Variants in BCL2 observed in about 807,000 individuals in gnomAD.
BCL2 encodes apoptosis regulator Bcl-2.
BCL2 carries 1 observed loss-of-function variant against 14.2 expected under a neutral mutation model. That is an observed-to-expected ratio of 0.07 (90% confidence interval 0.02 to 0.33). The LOEUF (loss-of-function observed/expected upper bound fraction) is 0.33, where lower values mean the gene tolerates loss of function less well. Among genes scored for constraint, BCL2 ranks in the 10% least tolerant of loss-of-function variants. The pLI is 0.99. For missense variants in BCL2, 247 were observed against 305.9 expected, an observed-to-expected ratio of 0.81 and a Z score of 1.44; for synonymous variants, 151 against 137.2, an observed-to-expected ratio of 1.10 and a Z score of -0.70.
At chr18:63,199,925 C>G (rs372427079) in intron 2 of BCL2, among the ~76,000 whole-genome samples, 1 of 151,858 alleles carries the variant, frequency 6.6e-6, no homozygotes, top group Non-Finnish European at 1.5e-5. Context: ...AACAAAACAA[C>G]GCGCACACAT....
chr18:63,312,024 C>G (rs545691101), intron 2 of BCL2, among the ~76,000 whole-genome samples: 3 of 152,306 alleles, frequency 2.0e-5, no homozygotes, highest in Admixed American at 6.5e-5. Flanking sequence ...TTTCTCTGCA[C>G]AGGTTAAAGT....
rs2144584298 is a variant in BCL2 at position 63,128,685 on chromosome 18, C to T, written c.660G>A (p.Leu220=). 1 of 781,056 alleles carries T rather than the reference C, an allele frequency of 1.3e-6. No individual in the cohort carries two copies. Among genetic ancestry groups the T allele is most frequent in the South Asian group, 1.3e-5 (1 of 74,620 alleles). The allele number at this position is 781,056 out of a possible 1,614,324, so 48.4% of individuals were successfully genotyped here. A position where few individuals can be genotyped will look rare whatever the true frequency, so the allele number is the denominator to read the frequency against. ...FDFSWLSLKT[L]LSLALVGACI... Reference sequence around the variant, plus strand: ...AAGCTCCCACCAGGGCCAAACTGAGCAGAGTCTTCAGAGACAGCCAGGAGA... The same window carrying T: ...AAGCTCCCACCAGGGCCAAACTGAGTAGAGTCTTCAGAGACAGCCAGGAGA... Residue 220 remains leucine (L), a synonymous_variant, in exon 3 of 3, where the codon CTG becomes CTA. Transcript: ENST00000333681.
chr18:63,252,672 G>A (rs1568247670), intron 2 of BCL2, among the ~76,000 whole-genome samples: 1 of 152,198 alleles, frequency 6.6e-6, no homozygotes, highest in South Asian at 2.1e-4. Context: ...TCTGCCACGT[G>A]AGATGTGCCT....
intron 2 of BCL2, among the ~76,000 whole-genome samples, chr18:63,260,561 C>T (rs1217590890): frequency 6.6e-6 from 1 of 152,174 alleles, no homozygotes; most frequent in African/African-American, 2.4e-5. Context: ...AGCAAAGGGC[C>T]AACCAGGCCA....
At chr18:63,166,377 GGGACGGCGTCCCTGGACCCT>G (rs1915044809) in intron 2 of BCL2, among the ~76,000 whole-genome samples, 1 of 152,176 alleles carries the variant, frequency 6.6e-6, no homozygotes, top group South Asian at 2.1e-4. Flanking sequence ...GGACGGGGCA[GGGACGGCGTCCCTGGACCCT>G]GGACAGCACG....
chr18:63,287,429 A>G (rs1428964258), intron 2 of BCL2, among the ~76,000 whole-genome samples: 1 of 152,168 alleles, frequency 6.6e-6, no homozygotes, highest in Non-Finnish European at 1.5e-5. Context: ...AATCTATGAC[A>G]TTTTGGAAAA....
chr18:63,317,999 G>A (rs1913550563), intron 2 of BCL2, 83 bp downstream of exon 2: 1 of 1,535,426 alleles, frequency 6.5e-7, no homozygotes, highest in Admixed American at 2.0e-5. Context: ...GCCTCCCATT[G>A]CCCCAGGAGC....
chr18:63,282,607 T>C (rs1728152116), intron 2 of BCL2, among the ~76,000 whole-genome samples: 1 of 152,186 alleles, frequency 6.6e-6, no homozygotes, highest in Non-Finnish European at 1.5e-5. Flanking sequence ...ATATCTCAAA[T>C]GCCATTACAC....
intron 2 of BCL2, among the ~76,000 whole-genome samples, chr18:63,146,668 T>TA (rs1450288294): frequency 1.3e-5 from 2 of 152,252 alleles, no homozygotes; most frequent in African/African-American, 2.4e-5. Flanking sequence ...TCTTATGTCT[T>TA]ACAATTTTAT....
chr18:63,150,251 T>C (rs1041572702), intron 2 of BCL2, among the ~76,000 whole-genome samples: 1 of 150,054 alleles, frequency 6.7e-6, no homozygotes, highest in African/African-American at 2.5e-5. Flanking sequence ...CCTATTTTGC[T>C]TGGGTCAGCC....
At chr18:63,317,529 C>T (rs965095404) in intron 2 of BCL2, 2 of 983,080 alleles carry the variant, frequency 2.0e-6, no homozygotes, top group Non-Finnish European at 2.4e-6. Flanking sequence ...AAAAGACTTA[C>T]ATTGGTTTTC....
intron 2 of BCL2, among the ~76,000 whole-genome samples, chr18:63,153,844 G>A (rs957814045): frequency 1.3e-5 from 2 of 152,192 alleles, no homozygotes; most frequent in East Asian, 1.9e-4. Flanking sequence ...GAGGGCAGCT[G>A]AAATGGGACA....
chr18:63,254,466 G>A (rs1441550649), intron 2 of BCL2, among the ~76,000 whole-genome samples: 1 of 151,100 alleles, frequency 6.6e-6, no homozygotes, highest in East Asian at 1.9e-4. Flanking sequence ...TGAGGTGGGA[G>A]GATCGCTTGA....
At chr18:63,186,972 C>G (rs1915606856) in intron 2 of BCL2, among the ~76,000 whole-genome samples, 1 of 152,236 alleles carries the variant, frequency 6.6e-6, no homozygotes, top group African/African-American at 2.4e-5. Flanking sequence ...CTTTTGTCTT[C>G]TTTTCATGTG....
chr18:63,235,226 G>A (rs916438360), intron 2 of BCL2, among the ~76,000 whole-genome samples: 1 of 152,346 alleles, frequency 6.6e-6, no homozygotes, highest in African/African-American at 2.4e-5. Context: ...CTGCTGAGAA[G>A]GGGCTTGCAC....
intron 2 of BCL2, among the ~76,000 whole-genome samples, chr18:63,154,794 G>A (rs1914731989): frequency 6.6e-6 from 1 of 152,120 alleles, no homozygotes; most frequent in African/African-American, 2.4e-5. Flanking sequence ...TCTTCATCTT[G>A]GTTTTCCCAG....
chr18:63,179,006 C>T (rs751422396), intron 2 of BCL2, among the ~76,000 whole-genome samples: 1 of 151,750 alleles, frequency 6.6e-6, no homozygotes, highest in South Asian at 2.1e-4. Context: ...CACCAACATG[C>T]AATTTAAAAA....
At chr18:63,282,422 T>C (rs991331905) in intron 2 of BCL2, among the ~76,000 whole-genome samples, 7 of 152,238 alleles carry the variant, frequency 4.6e-5, no homozygotes, top group African/African-American at 1.7e-4. Flanking sequence ...TGAAGTATCC[T>C]ATAGTGGCCT....
intron 2 of BCL2, among the ~76,000 whole-genome samples, chr18:63,178,631 G>A (rs1915405035): frequency 6.6e-6 from 1 of 152,136 alleles, no homozygotes. Context: ...CACCTTTGAG[G>A]AGCCCCAGAC....
Sources: allele counts gnomAD v4.1 joint callset (sites outside exome capture counted in the v4.1 genomes callset), GRCh38; gene constraint gnomAD v4.1.1; transcripts MANE v1.5; gene names NCBI Gene and HGNC (gene_info 2026-07-23, HGNC 2026-07-21).